The following PROSER2 variants were observed in gnomAD, a reference collection of about 807,000 sequenced individuals.
The protein encoded by PROSER2 is proline and serine rich 2, also known as proline and serine-rich protein 2.
Under a neutral mutation model 14.6 loss-of-function variants are expected in PROSER2, and 18 were observed. The ratio of observed to expected loss-of-function variants is 1.23; its 90% CI spans 0.85 to 1.83. The LOEUF is 1.83. Among genes scored for constraint, PROSER2 ranks in the 40% most tolerant of loss-of-function variants. The probability of loss-of-function intolerance (pLI) is 0.00; values close to 1 mark genes in which losing one functional copy is unlikely to be tolerated. For synonymous variants in PROSER2, 367 were observed against 286.4 expected, an observed-to-expected ratio of 1.28 and a Z score of -2.84; for missense variants, 823 against 629.8, an observed-to-expected ratio of 1.31 and a Z score of -3.28.
At chr10:11,847,181 ATAT>A (rs1833935166) in intron 1 of PROSER2, among the ~76,000 whole-genome samples, 2 of 147,772 alleles carry the variant, frequency 1.4e-5, no homozygotes, top group Admixed American at 1.4e-4. Context: ...ATATATATAT[ATAT>A]GAATCCAAAA....
At chr10:11,843,685 CA>C (rs369244388) in intron 1 of PROSER2, among the ~76,000 whole-genome samples, 1,859 of 113,132 alleles carry the variant, frequency 0.016, 8 homozygotes, top group Middle Eastern at 0.052. Context: ...GACTCTGTCT[CA>C]AAAAAAAAAA....
At chr10:11,867,096 C>G (rs71479379) in intron 3 of PROSER2, among the ~76,000 whole-genome samples, 2 of 151,928 alleles carry the variant, frequency 1.3e-5, no homozygotes, top group East Asian at 1.9e-4. Flanking sequence ...AACCCCGTCT[C>G]TACTAAAAAA....
Position 11,871,748 on chromosome 10 carries a change from G to T in PROSER2, c.*1342G>T, listed in dbSNP as rs763902573. The T allele has an allele frequency of 2.0e-5, 3 of 152,220 alleles. No individual in the cohort carries two copies. Among genetic ancestry groups the T allele is most frequent in the Non-Finnish European group, 2.9e-5 (2 of 68,030 alleles). The allele number at this position is 152,220 out of a possible 1,614,324, so 9.4% of individuals were successfully genotyped here. On this transcript the variant is annotated 3_prime_UTR_variant, in exon 4 of 4. Coordinates refer to ENST00000277570, the MANE Select transcript of PROSER2 (RefSeq NM_153256.4). Reference sequence around the variant, plus strand: ...GGCTGCCCTGAGCAGTGACACCTTTGTGTTTTTATGTCTCCGCCAGCGCCG... The same window carrying T: ...GGCTGCCCTGAGCAGTGACACCTTTTTGTTTTTATGTCTCCGCCAGCGCCG...
chr10:11,847,458 C>G (rs1021277665), intron 1 of PROSER2, among the ~76,000 whole-genome samples: 2 of 152,274 alleles, frequency 1.3e-5, no homozygotes, highest in Admixed American at 1.3e-4. Flanking sequence ...CGCTCTGTCA[C>G]CCAGGCTGGA....
intron 2 of PROSER2, among the ~76,000 whole-genome samples, chr10:11,860,454 A>G (rs1834214065): frequency 6.6e-6 from 1 of 151,844 alleles, no homozygotes; most frequent in Non-Finnish European, 1.5e-5. Flanking sequence ...CGTCTCTGCT[A>G]AAAATACAAA....
At chr10:11,858,928 G>A (rs1234323155) in intron 2 of PROSER2, among the ~76,000 whole-genome samples, 3 of 145,942 alleles carry the variant, frequency 2.1e-5, no homozygotes, top group Admixed American at 7.1e-5. Context: ...AGAATCGCTT[G>A]AACCCAGGAG....
Position 11,837,420 on chromosome 10 carries a change from G to C in PROSER2, c.-82+13950G>C, listed in dbSNP as rs1490012769. Reference sequence around the variant, plus strand: ...ACGAGCTCCGATTGCTGGCAGACGGGTTGGGATTGGTGCTGTCTGCAGATC... The same window carrying C: ...ACGAGCTCCGATTGCTGGCAGACGGCTTGGGATTGGTGCTGTCTGCAGATC... On this transcript the variant is annotated intron_variant, in intron 1 of 3. Transcript: ENST00000277570. This position sits in a 1 kb window ranked among gnomAD's most constrained non-coding sequence, Gnocchi z 4.6. Among the ~76,000 whole-genome samples, 2 of 152,220 alleles carry C rather than the reference G, an allele frequency of 1.3e-5. No homozygotes were observed. Among genetic ancestry groups the C allele is most frequent in the Non-Finnish European group, 2.9e-5 (2 of 68,038 alleles).
chr10:11,852,011 C>G lies in PROSER2; in HGVS notation c.-67C>G. 6.6e-7 allele frequency: 1 copy of G among 1,509,216 alleles called. No homozygotes were observed. The highest frequency in any genetic ancestry group is 8.9e-7 in the Non-Finnish European group (1 of 1,128,616). 93.5% of individuals were successfully genotyped at this position (1,509,216 alleles called of 1,614,324 possible). A position where few individuals can be genotyped will look rare whatever the true frequency, so the allele number is the denominator to read the frequency against. ...GGTGTCTCTAGGAGTGAGCTGTTGCCGCAGAATGGGCTGCTGGCTCCTGCC... is the reference window on the plus strand; with the variant it reads ...GGTGTCTCTAGGAGTGAGCTGTTGCGGCAGAATGGGCTGCTGGCTCCTGCC... On this transcript the variant is annotated 5_prime_UTR_variant, in exon 2 of 4. Coordinates refer to ENST00000277570, the MANE Select transcript of PROSER2 (RefSeq NM_153256.4).
chr10:11,842,931 C>CTTTTTTTTTTTTTTTTTTTTTT lies in PROSER2; in HGVS notation c.-81-9060_-81-9039dup, dbSNP rs558283551. On this transcript the variant is annotated intron_variant, in intron 1 of 3. Coordinates refer to ENST00000277570, the MANE Select transcript of PROSER2 (RefSeq NM_153256.4). ...TTTTCTATACTATTTTGCCATTGTT[C>CTTTTTTTTTTTTTTTTTTTTTT]TTTTTTTTTTTTTTTTTTTTTTTTT... 6.5e-4 allele frequency among the ~76,000 whole-genome samples: 34 copies of CTTTTTTTTTTTTTTTTTTTTTT among 51,954 alleles called. 5 individuals are homozygous for CTTTTTTTTTTTTTTTTTTTTTT. Among genetic ancestry groups the CTTTTTTTTTTTTTTTTTTTTTT allele is most frequent in the East Asian group, 2.1e-3 (4 of 1,902 alleles). 34.1% of individuals were successfully genotyped at this position (51,954 alleles called of 152,430 possible). A position where few individuals can be genotyped will look rare whatever the true frequency, so the allele number is the denominator to read the frequency against.
intron 1 of PROSER2, among the ~76,000 whole-genome samples, chr10:11,835,336 TGTGTGAACGTAGAGAAGGAACCAGGC>T (rs1833745913): frequency 6.6e-6 from 1 of 151,934 alleles, no homozygotes; most frequent in African/African-American, 2.4e-5. Context: ...TTGGGCTAGG[TGTGTGAACGTAGAGAAGGAACCAGGC>T]GTGTGCTCAG....
chr10:11,854,048 C>T (rs1461052629), intron 2 of PROSER2, among the ~76,000 whole-genome samples: 1 of 152,182 alleles, frequency 6.6e-6, no homozygotes, highest in Non-Finnish European at 1.5e-5. Flanking sequence ...TAAGTTACGT[C>T]TACATGGTGT....
At chr10:11,851,886 C>G in intron 1 of PROSER2, 111 bp from the exon 2 acceptor site, 2 of 474,002 alleles carry the variant, frequency 4.2e-6, no homozygotes, top group African/African-American at 2.0e-5. Flanking sequence ...CGCCTTTACC[C>G]TAATGGTCGA....
intron 1 of PROSER2, among the ~76,000 whole-genome samples, chr10:11,826,349 T>C (rs1039844699): frequency 2.0e-5 from 3 of 152,176 alleles, no homozygotes; most frequent in African/African-American, 4.8e-5. Flanking sequence ...TGTGTACAAG[T>C]TTTTGTTTGA....
chr10:11,826,527 T>C (rs938700486), intron 1 of PROSER2, among the ~76,000 whole-genome samples: 3 of 152,228 alleles, frequency 2.0e-5, no homozygotes, highest in Non-Finnish European at 2.9e-5. Context: ...TCGACATCCT[T>C]GTCAACCACT....
chr10:11,866,107 T>A lies in PROSER2; in HGVS notation c.139-424T>A, dbSNP rs202076997. On this transcript the variant is annotated intron_variant, in intron 2 of 3. Transcript: ENST00000277570. The surrounding 1 kb of genome is among the most constrained non-coding windows in gnomAD (Gnocchi z 6.0). Reference sequence around the variant, plus strand: ...TGTGATTTGTGCCTTAAAAAAAAAATCCCTTCGTTTTAGTACGGTTTCTGG... The same window carrying A: ...TGTGATTTGTGCCTTAAAAAAAAAAACCCTTCGTTTTAGTACGGTTTCTGG... 2.4e-5 allele frequency among the ~76,000 whole-genome samples: 3 copies of A among 124,442 alleles called. No homozygotes were observed. Among genetic ancestry groups the A allele is most frequent in the Non-Finnish European group, 5.8e-5 (3 of 52,016 alleles). 81.6% of individuals were successfully genotyped at this position (124,442 alleles called of 152,430 possible). A position where few individuals can be genotyped will look rare whatever the true frequency, so the allele number is the denominator to read the frequency against.
chr10:11,860,836 C>T (rs1184602296), intron 2 of PROSER2, among the ~76,000 whole-genome samples: 4 of 151,606 alleles, frequency 2.6e-5, no homozygotes, highest in African/African-American at 4.8e-5. Flanking sequence ...CCAGGCATGG[C>T]GGCTCATGCT....
rs558283551 is a variant in PROSER2, at chr10:11,842,931, C to CTTTTTTTTTT, written c.-81-9048_-81-9039dup. Among the ~76,000 whole-genome samples the CTTTTTTTTTT allele has an allele frequency of 3.1e-3, 161 of 51,942 alleles. 30 individuals are homozygous for CTTTTTTTTTT. Among genetic ancestry groups the CTTTTTTTTTT allele is most frequent in the Middle Eastern group, 0.017 (1 of 60 alleles). The allele number at this position is 51,942 out of a possible 152,430, so 34.1% of individuals were successfully genotyped here. A position where few individuals can be genotyped will look rare whatever the true frequency, so the allele number is the denominator to read the frequency against. On this transcript the variant is annotated intron_variant, in intron 1 of 3. Transcript: ENST00000277570. The stretch of plus-strand genomic sequence containing the variant: ...TTTTCTATACTATTTTGCCATTGTT[C>CTTTTTTTTTT]TTTTTTTTTTTTTTTTTTTTTTTTT...
At position 11,870,203 on chromosome 10, in the gene PROSER2, CG is replaced by C; in HGVS notation, c.1106del (p.Arg369ProfsTer82). The C allele has an allele frequency of 6.7e-7, 1 of 1,489,564 alleles. No individual in the cohort carries two copies. Among genetic ancestry groups the C allele is most frequent in the Non-Finnish European group, 8.9e-7 (1 of 1,127,012 alleles). 92.3% of individuals were successfully genotyped at this position (1,489,564 alleles called of 1,614,324 possible). ...GCCCGCTGGGAAGTCCCTCTGCTTC[CG>C]CCCTGGCCCGGCCCTGCCCAGCACG... The part of the protein sequence containing the change: ...FAPAGKSLCF[R>X]PGPALPSTRA... On this transcript the variant is annotated frameshift_variant, in exon 4 of 4. Transcript: ENST00000277570. LOFTEE classifies it low-confidence loss of function (END_TRUNC).
intron 3 of PROSER2, among the ~76,000 whole-genome samples, chr10:11,867,162 G>C (rs950675905): frequency 6.6e-6 from 1 of 151,532 alleles, no homozygotes; most frequent in Non-Finnish European, 1.5e-5. Context: ...CTACTCAGGA[G>C]GCTGAGGCAG....
Sources: allele counts gnomAD v4.1 joint callset (sites outside exome capture counted in the v4.1 genomes callset), GRCh38; gene constraint gnomAD v4.1.1; non-coding constraint Gnocchi (gnomAD v3.1); transcripts MANE v1.5; gene names NCBI Gene and HGNC (gene_info 2026-07-23, HGNC 2026-07-21).